The following CHRM5 variants were observed in gnomAD, a reference collection of about 807,000 sequenced individuals.
CHRM5 encodes the protein cholinergic receptor muscarinic 5.
A neutral mutation model predicts 39.0 loss-of-function variants in CHRM5; 18 were observed. The ratio of observed to expected loss-of-function variants is 0.46; its 90% CI spans 0.32 to 0.68. The LOEUF (loss-of-function observed/expected upper bound fraction) is 0.68. Ranked by LOEUF, CHRM5 falls within the 30% of genes least tolerant of loss-of-function variation. CHRM5 has a pLI of 0.04. For synonymous variants in CHRM5, 241 were observed against 246.3 expected (o/e 0.98, Z 0.20); for missense variants, 515 against 651.1 (o/e 0.79, Z 2.28).
intron 1 of CHRM5, among the ~76,000 whole-genome samples, chr15:34,029,376 G>A (rs1462972245): frequency 1.3e-5 from 2 of 151,954 alleles, no homozygotes; most frequent in Admixed American, 1.3e-4. Context: ...ACCAGAATAA[G>A]AGGGGGAAAA....
chr15:34,038,714 T>G, intron 1 of CHRM5: 1 of 1,117,940 alleles, frequency 8.9e-7, no homozygotes, highest in Non-Finnish European at 1.1e-6. Flanking sequence ...GGCTCTTGAC[T>G]GGCGGCCTCG....
At chr15:34,000,241 ACTCTT>A (rs1897086705) in intron 1 of CHRM5, among the ~76,000 whole-genome samples, 1 of 151,958 alleles carries the variant, frequency 6.6e-6, no homozygotes, top group South Asian at 2.1e-4. Context: ...CATTTTATAT[ACTCTT>A]CTTGTTTGTC....
intron 2 of CHRM5, among the ~76,000 whole-genome samples, chr15:34,052,880 T>C (rs1899978957): frequency 6.6e-6 from 1 of 152,082 alleles, no homozygotes; most frequent in African/African-American, 2.4e-5. Context: ...CCCATGCTCA[T>C]GGATAGGAAG....
intron 1 of CHRM5, among the ~76,000 whole-genome samples, chr15:34,027,528 CA>C (rs35780353): frequency 4.7e-4 from 62 of 132,538 alleles, no homozygotes; most frequent in Admixed American, 2.0e-3. Context: ...GACTCTGTCT[CA>C]AAAAAAAAAA....
chr15:34,063,975 C>A lies in CHRM5; in HGVS notation c.1258C>A (p.Pro420Thr). The change falls in exon 3 of 3, where the codon CCC becomes ACC. Residue 420 changes from proline to threonine, a missense_variant. Physicochemically the swap from Pro to Thr is conservative, Grantham distance 38. Transcript: ENST00000383263. The surrounding 1 kb of genome is among the most constrained non-coding windows in gnomAD (Gnocchi z 4.1). Reference protein sequence around the residue: ...AKEPSTKGLNPNPSHQMTKRK... With the variant: ...AKEPSTKGLNTNPSHQMTKRK... Reference sequence around the variant, plus strand: ...GGAACCTTCAACGAAAGGCCTCAATCCCAACCCCAGCCATCAAATGACCAA... The same window carrying A: ...GGAACCTTCAACGAAAGGCCTCAATACCAACCCCAGCCATCAAATGACCAA... 3 of 1,614,176 alleles carry A rather than the reference C, an allele frequency of 1.9e-6. No individual in the cohort carries two copies. The highest frequency in any genetic ancestry group is 2.5e-6 in the Non-Finnish European group (3 of 1,180,026).
chr15:34,000,999 G>T (rs868575532), intron 1 of CHRM5, among the ~76,000 whole-genome samples: 3 of 151,458 alleles, frequency 2.0e-5, no homozygotes, highest in African/African-American at 7.3e-5. Flanking sequence ...CAGAGGACAG[G>T]CCTGCTAGGT....
chr15:34,035,458 C>T (rs11638109), intron 1 of CHRM5, among the ~76,000 whole-genome samples: 22,548 of 152,076 alleles, frequency 0.15, 2,079 homozygotes, highest in Middle Eastern at 0.28. Flanking sequence ...AAAGTCATTC[C>T]AGGAGCAGTT....
At chr15:34,024,118 C>T (rs1290094481) in intron 1 of CHRM5, among the ~76,000 whole-genome samples, 1 of 152,100 alleles carries the variant, frequency 6.6e-6, no homozygotes, top group Non-Finnish European at 1.5e-5. Flanking sequence ...CAACAAATAT[C>T]TACTGAGAGC....
chr15:33,973,581 C>T (rs1305689529), intron 1 of CHRM5, among the ~76,000 whole-genome samples: 3 of 152,132 alleles, frequency 2.0e-5, no homozygotes, highest in Non-Finnish European at 2.9e-5. Flanking sequence ...CCAAGCGCAA[C>T]CTGTAATCCC....
At chr15:33,985,617 A>G (rs1020892295) in intron 1 of CHRM5, among the ~76,000 whole-genome samples, 1 of 151,982 alleles carries the variant, frequency 6.6e-6, no homozygotes, top group African/African-American at 2.4e-5. Context: ...AGCTCTCCCA[A>G]CAATATTCTG....
At chr15:34,055,259 A>G (rs569294212) in intron 2 of CHRM5, among the ~76,000 whole-genome samples, 1 of 151,774 alleles carries the variant, frequency 6.6e-6, no homozygotes, top group East Asian at 1.9e-4. Flanking sequence ...AGCATTTGGG[A>G]GGCCGAGGTG....
chr15:33,985,848 G>A (rs1437399823), intron 1 of CHRM5, among the ~76,000 whole-genome samples: 1 of 152,046 alleles, frequency 6.6e-6, no homozygotes, highest in African/African-American at 2.4e-5. Flanking sequence ...AAAAATAGAA[G>A]TTCAAGAAAT....
chr15:34,039,586 A>G (rs1446113516), intron 1 of CHRM5, among the ~76,000 whole-genome samples: 1 of 152,168 alleles, frequency 6.6e-6, no homozygotes, highest in African/African-American at 2.4e-5. Context: ...GTCAGGGTTC[A>G]GGAGGTGTGG....
chr15:34,029,517 CAAAAAAAAAAAAAA>C lies in CHRM5; in HGVS notation c.-407-17012_-407-16999del, dbSNP rs66519745. Among the ~76,000 whole-genome samples the C allele has an allele frequency of 2.9e-3, 341 of 118,702 alleles. 3 individuals carry two copies. Among genetic ancestry groups the C allele is most frequent in the African/African-American group, 0.011 (316 of 29,726 alleles). The allele number at this position is 118,702 out of a possible 152,430, so 77.9% of individuals were successfully genotyped here. A position where few individuals can be genotyped will look rare whatever the true frequency, so the allele number is the denominator to read the frequency against. ...GCAACATAGGTAGACCCTATTTCTACAAAAAAAAAAAAAAAAAAAAAAAATTGAAAAGGAAATGG... is the reference window on the plus strand; with the variant it reads ...GCAACATAGGTAGACCCTATTTCTACAAAAAAAAAATTGAAAAGGAAATGG... On this transcript the variant is annotated intron_variant, in intron 1 of 2. Coordinates refer to ENST00000383263, the MANE Select transcript of CHRM5 (RefSeq NM_012125.4).
At chr15:34,040,047 TTTC>T (rs1174675358) in intron 1 of CHRM5, among the ~76,000 whole-genome samples, 2 of 152,194 alleles carry the variant, frequency 1.3e-5, no homozygotes, top group African/African-American at 4.8e-5. Context: ...GAATAAGTGT[TTTC>T]TTCCCCCTCA....
At chr15:34,033,621 A>G (rs1898968329) in intron 1 of CHRM5, among the ~76,000 whole-genome samples, 2 of 152,244 alleles carry the variant, frequency 1.3e-5, no homozygotes, top group Admixed American at 1.3e-4. Flanking sequence ...AACATTTTTT[A>G]AGTCAACATT....
intron 2 of CHRM5, among the ~76,000 whole-genome samples, chr15:34,057,588 C>T (rs1900203494): frequency 6.6e-6 from 1 of 152,128 alleles, no homozygotes; most frequent in Non-Finnish European, 1.5e-5. Flanking sequence ...TTATCCCCAC[C>T]TCAAAGTTTA....
At chr15:34,013,345 AGCCACTGG>A in intron 1 of CHRM5, among the ~76,000 whole-genome samples, 1 of 152,336 alleles carries the variant, frequency 6.6e-6, no homozygotes, top group Middle Eastern at 3.4e-3. Flanking sequence ...TACAAGTGTG[AGCCACTGG>A]GCCTGGCCAA....
chr15:34,028,935 C>A (rs1438957197), intron 1 of CHRM5, among the ~76,000 whole-genome samples: 1 of 152,090 alleles, frequency 6.6e-6, no homozygotes, highest in Non-Finnish European at 1.5e-5. Context: ...AGGCAAAAAG[C>A]AGAACACTTA....
Sources: gnomAD v4.1 joint callset for allele counts (sites outside exome capture counted in the v4.1 genomes callset) on GRCh38, gnomAD v4.1.1 for gene constraint, Gnocchi (gnomAD v3.1) non-coding constraint, MANE v1.5 for transcripts, NCBI Gene and HGNC (gene_info 2026-07-23, HGNC 2026-07-21) for gene names.